Variants in PRR27 observed in about 807,000 individuals in gnomAD.
The protein encoded by PRR27 is proline-rich protein 27.
Under a neutral mutation model 16.8 loss-of-function variants are expected in PRR27, and 12 were observed. The observed-to-expected ratio is 0.71, with a 90% CI of 0.46 to 1.16. The LOEUF (loss-of-function observed/expected upper bound fraction) is 1.16. Among genes scored for constraint, PRR27 ranks in the 50% most tolerant of loss-of-function variants. PRR27 has a pLI of 0.00. For missense variants in PRR27, 277 were observed against 273.3 expected (o/e 1.01, Z -0.10); for synonymous variants, 100 against 98.4 (o/e 1.02, Z -0.10).
At chr4:70,159,347 A>AT (rs1451532843) in intron 3 of PRR27, among the ~76,000 whole-genome samples, 6 of 152,298 alleles carry the variant, frequency 3.9e-5, no homozygotes, top group Admixed American at 3.9e-4. Context: ...GCAGATTATT[A>AT]TTTTATTATA....
intron 2 of PRR27, among the ~76,000 whole-genome samples, chr4:70,156,534 T>A (rs1004132424): frequency 2.6e-5 from 4 of 152,136 alleles, no homozygotes; most frequent in Non-Finnish European, 5.9e-5. Flanking sequence ...GCAGGAGGAG[T>A]GTGTCCCAAT....
In PRR27 at chr4:70,158,692, A is replaced by C. The variant is rs762788381; in HGVS notation, c.440A>C (p.Glu147Ala). Reference protein sequence around the residue: ...APLTATPVAAEPAAGAPVAAE... With the variant: ...APLTATPVAAAPAAGAPVAAE... ...CTTACAGCCACACCTGTAGCAGCTG[A>C]GCCTGCTGCAGGGGCCCCTGTTGCA... Residue 147 changes from glutamate to alanine, a missense_variant, in exon 3 of 5, where the codon GAG (glutamate) becomes GCG (alanine). Coordinates refer to ENST00000344526, the MANE Select transcript of PRR27 (RefSeq NM_214711.4). The C allele has an allele frequency of 5.6e-6, 9 of 1,613,328 alleles. 1 individual carries two copies. The South Asian group carries it at 9.9e-5, about 18-fold the overall frequency.
intron 3 of PRR27, among the ~76,000 whole-genome samples, chr4:70,161,207 CAT>C (rs5859213): frequency 0.026 from 3,150 of 119,474 alleles, 89 homozygotes; most frequent in Middle Eastern, 0.026. Context: ...TACACGTATA[CAT>C]ATATATATAT....
intron 1 of PRR27, among the ~76,000 whole-genome samples, 165 bp downstream of exon 1, chr4:70,154,591 A>G (rs1394333681): frequency 6.6e-6 from 1 of 152,198 alleles, no homozygotes; most frequent in Non-Finnish European, 1.5e-5. Context: ...GGAAAATTTA[A>G]AAATCAAAAT....
At position 70,158,448 on chromosome 4, in the gene PRR27, A is replaced by C; in HGVS notation, c.196A>C (p.Thr66Pro). 1 of 1,613,928 alleles carries C rather than the reference A, an allele frequency of 6.2e-7. No individual in the cohort carries two copies. Among genetic ancestry groups the C allele is most frequent in the South Asian group, 1.1e-5 (1 of 91,074 alleles). ...VNTVPSYPGNTYTDTGLPSYP... is the reference protein window; with the variant it reads ...VNTVPSYPGNPYTDTGLPSYP... Reference sequence around the variant, plus strand: ...TACAGTCCCCAGTTACCCTGGGAATACTTACACTGACACAGGGTTACCTTC... The same window carrying C: ...TACAGTCCCCAGTTACCCTGGGAATCCTTACACTGACACAGGGTTACCTTC... The change falls in exon 3 of 5, where the codon ACT becomes CCT. Residue 66 changes from threonine (T) to proline (P), a missense_variant. By Grantham distance (38) the Thr-to-Pro change is conservative. Coordinates refer to ENST00000344526, the MANE Select transcript of PRR27 (RefSeq NM_214711.4).
At chr4:70,156,016 T>C in intron 1 of PRR27, 38 bp from the exon 2 acceptor site, 6 of 1,321,620 alleles carry the variant, frequency 4.5e-6, no homozygotes, top group Non-Finnish European at 6.3e-6. Flanking sequence ...TGTTTTCAAA[T>C]ACATAACCGC....
intron 3 of PRR27, among the ~76,000 whole-genome samples, chr4:70,161,022 T>C (rs1728632677): frequency 6.6e-6 from 1 of 151,638 alleles, no homozygotes; most frequent in Non-Finnish European, 1.5e-5. Flanking sequence ...CATTCAATGG[T>C]GTTTGCAGCT....
Position 70,158,957 on chromosome 4 carries a change from GAA to G in PRR27, c.648+67_648+68del, listed in dbSNP as rs372043073. The stretch of plus-strand genomic sequence containing the variant: ...ATGAGAAATGAGATTTGTAGAAGGG[GAA>G]AAAAAAAAACCACTCCCCAAGCAAA... On this transcript the variant is annotated intron_variant, in intron 3 of 4. Transcript: ENST00000344526. The G allele has an allele frequency of 7.4e-5, 62 of 835,752 alleles. 1 individual carries two copies. The highest frequency in any genetic ancestry group is 5.2e-4 in the African/African-American group (30 of 57,634). 51.8% of individuals were successfully genotyped at this position (835,752 alleles called of 1,614,324 possible). A position where few individuals can be genotyped will look rare whatever the true frequency, so the allele number is the denominator to read the frequency against.
intron 3 of PRR27, among the ~76,000 whole-genome samples, chr4:70,159,211 C>G (rs1728577423): frequency 6.6e-6 from 1 of 152,138 alleles, no homozygotes; most frequent in South Asian, 2.1e-4. Flanking sequence ...TTTGTCACTA[C>G]AAATTGGTTT....
At chr4:70,162,301 G>A (rs938964791) in intron 4 of PRR27, among the ~76,000 whole-genome samples, 2 of 152,196 alleles carry the variant, frequency 1.3e-5, no homozygotes, top group Non-Finnish European at 2.9e-5. Flanking sequence ...GACATCACTA[G>A]CTAAAGTAGA....
intron 2 of PRR27, among the ~76,000 whole-genome samples, chr4:70,157,051 T>C (rs2109790555): frequency 6.6e-6 from 1 of 152,260 alleles, no homozygotes; most frequent in East Asian, 1.9e-4. Context: ...TGATCCACAA[T>C]GCAAATAATT....
chr4:70,160,443 C>CTCTCTCTCTCTCTG (rs1298386504), intron 3 of PRR27, among the ~76,000 whole-genome samples: 2 of 68,678 alleles, frequency 2.9e-5, no homozygotes, highest in East Asian at 5.5e-4. Flanking sequence ...CTCTCTCTCT[C>CTCTCTCTCTCTCTG]TGTGTGTGTG....
rs71210150 is a variant in PRR27, at chr4:70,160,443, CTGTG to C, written c.649-1115_649-1112del. ...TCTCTCTCTCTCTCTCTCTCTCTCT[CTGTG>C]TGTGTGTGTGTGTGTGTGTGTGTGT... is the stretch of plus-strand genomic sequence containing the variant. On this transcript the variant is annotated intron_variant, in intron 3 of 4. Coordinates refer to ENST00000344526, the MANE Select transcript of PRR27 (RefSeq NM_214711.4). 3.1e-3 allele frequency among the ~76,000 whole-genome samples: 212 copies of C among 68,696 alleles called. 3 individuals carry two copies. Among genetic ancestry groups the C allele is most frequent in the African/African-American group, 9.5e-3 (195 of 20,424 alleles). The allele number at this position is 68,696 out of a possible 152,430, so 45.1% of individuals were successfully genotyped here.
chr4:70,157,022 C>T (rs1408652059), intron 2 of PRR27, among the ~76,000 whole-genome samples: 2 of 151,932 alleles, frequency 1.3e-5, no homozygotes, highest in Non-Finnish European at 1.5e-5. Flanking sequence ...TATTTAAGTC[C>T]TCAGATTCTA....
At position 70,164,521 on chromosome 4, in the gene PRR27, G is replaced by A. The variant is rs1251126972; in HGVS notation, c.*1860G>A. ...GCTTCCATCTTCTAGAGCCAAGTAG[G>A]ATCTAACTTTAATTTGACTTAGCCA... On this transcript the variant is annotated 3_prime_UTR_variant, in exon 5 of 5. Coordinates refer to ENST00000344526, the MANE Select transcript of PRR27 (RefSeq NM_214711.4). 6.6e-6 allele frequency: 1 copy of A among 152,038 alleles called. No homozygotes were observed. The highest frequency in any genetic ancestry group is 2.4e-5 in the African/African-American group (1 of 41,406). 9.4% of individuals were successfully genotyped at this position (152,038 alleles called of 1,614,324 possible).
chr4:70,166,258 T>C lies in PRR27; in HGVS notation c.*3597T>C, dbSNP rs900983429. On this transcript the variant is annotated 3_prime_UTR_variant, in exon 5 of 5. Transcript: ENST00000344526. Reference sequence around the variant, plus strand: ...ATTTCCTACATTATGCTATAGAACTTATAGACTAATTTAAGTTAATTATAG... The same window carrying C: ...ATTTCCTACATTATGCTATAGAACTCATAGACTAATTTAAGTTAATTATAG... 3 of 152,048 alleles carry C rather than the reference T, an allele frequency of 2.0e-5. No homozygotes were observed. Among genetic ancestry groups the C allele is most frequent in the Non-Finnish European group, 4.4e-5 (3 of 67,940 alleles). 9.4% of individuals were successfully genotyped at this position (152,048 alleles called of 1,614,324 possible).
chr4:70,154,511 T>A (rs1728432558), intron 1 of PRR27, 85 bp downstream of exon 1: 1 of 1,117,262 alleles, frequency 9.0e-7, no homozygotes, highest in Non-Finnish European at 1.4e-6. Flanking sequence ...GATAAAGTAC[T>A]ATAGTGTTTG....
intron 2 of PRR27, among the ~76,000 whole-genome samples, chr4:70,157,338 T>C (rs534175376): frequency 6.6e-6 from 1 of 151,864 alleles, no homozygotes; most frequent in South Asian, 2.1e-4. Context: ...TTTATACTTT[T>C]AAAAATAAAT....
rs562217079 is a variant in PRR27, at chr4:70,166,598, T to C, written c.*3937T>C. 21 of 152,182 alleles carry C rather than the reference T, an allele frequency of 1.4e-4. No individual in the cohort carries two copies. Among genetic ancestry groups the C allele is most frequent in the African/African-American group, 5.1e-4 (21 of 41,562 alleles). 9.4% of individuals were successfully genotyped at this position (152,182 alleles called of 1,614,324 possible). On this transcript the variant is annotated 3_prime_UTR_variant, in exon 5 of 5. Transcript: ENST00000344526. ...TCTAATAGCAAACATTATTAAAATA[T>C]TATTGAAATAACTAACTGAAGTAAG...
Sources: gnomAD v4.1 joint callset for allele counts (sites outside exome capture counted in the v4.1 genomes callset) on GRCh38, gnomAD v4.1.1 for gene constraint, MANE v1.5 for transcripts, NCBI Gene and HGNC (gene_info 2026-07-23, HGNC 2026-07-21) for gene names.